The following RIPOR1 variants were observed in gnomAD, a reference collection of about 807,000 sequenced individuals.
RIPOR1 encodes RHO family interacting cell polarization regulator 1.
RIPOR1 carries 58 observed loss-of-function variants against 116.5 expected under a neutral mutation model. The ratio of observed to expected loss-of-function variants is 0.50; its 90% CI spans 0.40 to 0.62. The LOEUF (loss-of-function observed/expected upper bound fraction) is 0.62, where lower values mean the gene tolerates loss of function less well. RIPOR1 is among the 20% of genes least tolerant of loss of function. The pLI is 0.00. For missense variants in RIPOR1, 1,372 were observed against 1,586.2 expected, an observed-to-expected ratio of 0.86 and a Z score of 2.29; for synonymous variants, 605 against 650.0, an observed-to-expected ratio of 0.93 and a Z score of 1.05.
chr16:67,542,660 C>A lies in RIPOR1; in HGVS notation c.1874C>A (p.Thr625Asn). Residue 625 changes from threonine (T) to asparagine (N), a missense_variant, in exon 13 of 22, where the codon ACC becomes AAC. Transcript: ENST00000042381. This position sits in a 1 kb window ranked among gnomAD's most constrained non-coding sequence, Gnocchi z 4.6. ...PTHTSTSPTH[T>N]PTSPTHKTSM... The stretch of plus-strand genomic sequence containing the variant: ...CATACTTCCACAAGCCCCACCCATA[C>A]CCCCACAAGTCCCACCCACAAAACC... 7 of 1,613,252 alleles carry A rather than the reference C, an allele frequency of 4.3e-6. No individual in the cohort carries two copies. Among genetic ancestry groups the A allele is most frequent in the Non-Finnish European group, 5.9e-6 (7 of 1,179,668 alleles).
Position 67,543,155 on chromosome 16 carries a change from TGGA to T in RIPOR1, c.2375_2377del (p.Glu792del). 6.5e-7 allele frequency: 1 copy of T among 1,534,584 alleles called. No individual in the cohort carries two copies. The highest frequency in any genetic ancestry group is 1.4e-5 in the African/African-American group (1 of 72,442). On this transcript the variant is annotated inframe_deletion, in exon 13 of 22. Transcript: ENST00000042381. The surrounding 1 kb of genome is among the most constrained non-coding windows in gnomAD (Gnocchi z 4.7). Reference sequence around the variant, plus strand: ...GCCGGAGGGTCTGGGGACAGGAGCCTGGAGGAGGCACTGGGGGCCCTAATGGCT... The same window carrying T: ...GCCGGAGGGTCTGGGGACAGGAGCCTGGAGGCACTGGGGGCCCTAATGGCT...
At chr16:67,538,303 G>A in intron 1 of RIPOR1, 121 bp from the exon 2 acceptor site, 1 of 1,364,294 alleles carries the variant, frequency 7.3e-7, no homozygotes, top group Non-Finnish European at 9.8e-7. Flanking sequence ...GACCCGGCCG[G>A]AGCCCGCTGG....
At position 67,541,393 on chromosome 16, in the gene RIPOR1, G is replaced by T; in HGVS notation, c.802-37G>T. The stretch of plus-strand genomic sequence containing the variant: ...GATTTCCCATGATCTCATAGCCCCT[G>T]CACCCTTGTGACCCTACCATGCACT... On this transcript the variant is annotated intron_variant, in intron 10 of 21. Transcript: ENST00000042381. This position sits in a 1 kb window ranked among gnomAD's most constrained non-coding sequence, Gnocchi z 4.6. The T allele has an allele frequency of 6.3e-7, 1 of 1,598,412 alleles. No homozygotes were observed. Among genetic ancestry groups the T allele is most frequent in the Non-Finnish European group, 8.5e-7 (1 of 1,170,724 alleles).
intron 1 of RIPOR1, among the ~76,000 whole-genome samples, chr16:67,534,835 C>CTTTTTT (rs553858194): frequency 6.2e-4 from 49 of 79,000 alleles, no homozygotes; most frequent in South Asian, 9.2e-4. Context: ...TTCTTTTTTT[C>CTTTTTT]TTTTTTTTTT....
intron 1 of RIPOR1, among the ~76,000 whole-genome samples, chr16:67,532,648 G>A (rs781610135): frequency 6.6e-6 from 1 of 152,054 alleles, no homozygotes; most frequent in Non-Finnish European, 1.5e-5. Context: ...TTTACAGATG[G>A]GTGTCTGAAG....
rs900000693 is a variant in RIPOR1, at chr16:67,531,330, T to C, written c.-24+2416T>C. Among the ~76,000 whole-genome samples the C allele has an allele frequency of 8.7e-5, 13 of 149,308 alleles. No individual in the cohort carries two copies. The highest frequency in any genetic ancestry group is 1.8e-4 in the Non-Finnish European group (12 of 67,136). ...CCAGCTTCCCCCACTGTTCCCCCCCTTCATCTCCCAGGTGCTACAGGACCC... is the reference window on the plus strand; with the variant it reads ...CCAGCTTCCCCCACTGTTCCCCCCCCTCATCTCCCAGGTGCTACAGGACCC... On this transcript the variant is annotated intron_variant, in intron 1 of 21. Coordinates refer to ENST00000042381, the MANE Select transcript of RIPOR1 (RefSeq NM_024519.4). This position sits in a 1 kb window ranked among gnomAD's most constrained non-coding sequence, Gnocchi z 4.2.
chr16:67,544,691 C>T lies in RIPOR1; in HGVS notation c.2734-4C>T. 9.3e-6 allele frequency: 15 copies of T among 1,612,832 alleles called. No individual in the cohort carries two copies. The highest frequency in any genetic ancestry group is 1.3e-5 in the Non-Finnish European group (15 of 1,180,006). ...TGAGCTACTTGGCCACCCATGTTCTCCAGAAACTGGGCACATTTGGGCCCC... is the reference window on the plus strand; with the variant it reads ...TGAGCTACTTGGCCACCCATGTTCTTCAGAAACTGGGCACATTTGGGCCCC... On this transcript the variant is annotated splice_region_variant and splice_polypyrimidine_tract_variant and intron_variant, in intron 15 of 21. Transcript: ENST00000042381. This position sits in a 1 kb window ranked among gnomAD's most constrained non-coding sequence, Gnocchi z 5.1.
rs2050956898 is a variant in RIPOR1 at position 67,540,763 on chromosome 16, C to T, written c.801+59C>T. Reference sequence around the variant, plus strand: ...GGCCCTGTGAACCCCTTGTGACCCCCATTACCCTGAGTCCCTTACTCCTGT... The same window carrying T: ...GGCCCTGTGAACCCCTTGTGACCCCTATTACCCTGAGTCCCTTACTCCTGT... On this transcript the variant is annotated intron_variant, in intron 10 of 21. Coordinates refer to ENST00000042381, the MANE Select transcript of RIPOR1 (RefSeq NM_024519.4). The surrounding 1 kb of genome is among the most constrained non-coding windows in gnomAD (Gnocchi z 4.7). 7 of 1,508,794 alleles carry T rather than the reference C, an allele frequency of 4.6e-6. No individual in the cohort carries two copies. The South Asian group carries it at 9.2e-5, about 20-fold the overall frequency. 93.5% of individuals were successfully genotyped at this position (1,508,794 alleles called of 1,614,324 possible).
chr16:67,544,336 A>G lies in RIPOR1; in HGVS notation c.2638A>G (p.Ile880Val). ...CCCGGAGGCTGGGGCTGAGGACAGCATAGACTCACCCAGTGCCCGCCCCCT... is the reference window on the plus strand; with the variant it reads ...CCCGGAGGCTGGGGCTGAGGACAGCGTAGACTCACCCAGTGCCCGCCCCCT... ...SSPEAGAEDS[I>V]DSPSARPLST... Residue 880 changes from isoleucine (I) to valine (V), a missense_variant, in exon 15 of 22, where the codon ATA (isoleucine) becomes GTA (valine). By Grantham distance (29) the Ile-to-Val change is conservative. Around this residue, in one of 3 missense-constraint regions of RIPOR1, gnomAD observed 1,005 missense variants for 1,144.7 expected, o/e 0.88. Coordinates refer to ENST00000042381, the MANE Select transcript of RIPOR1 (RefSeq NM_024519.4). The surrounding 1 kb of genome is among the most constrained non-coding windows in gnomAD (Gnocchi z 5.1). 1 of 1,613,216 alleles carries G rather than the reference A, an allele frequency of 6.2e-7. No homozygotes were observed. Among genetic ancestry groups the G allele is most frequent in the Non-Finnish European group, 8.5e-7 (1 of 1,179,690 alleles).
In RIPOR1 at chr16:67,542,052, C is replaced by G; in HGVS notation, c.1266C>G (p.Pro422=). 2.5e-6 allele frequency: 4 copies of G among 1,605,458 alleles called. No homozygotes were observed. Among genetic ancestry groups the G allele is most frequent in the Non-Finnish European group, 3.4e-6 (4 of 1,173,600 alleles). ...TTGCCTTCCGCAGGCCTGAGACCCC[C>G]AGCTCTGGGCCCTTGGATGAGGAGG... ...IQVAFRRPET[P]SSGPLDEEGA... is the part of the protein sequence containing the mutation. The change falls in exon 13 of 22, where the codon CCC becomes CCG. Residue 422 remains proline, a synonymous_variant. Transcript: ENST00000042381. This position sits in a 1 kb window ranked among gnomAD's most constrained non-coding sequence, Gnocchi z 4.6.
At chr16:67,525,281 C>T (rs1043318368), upstream of RIPOR1, among the ~76,000 whole-genome samples, 4 of 152,218 alleles carry the variant, frequency 2.6e-5, no homozygotes, top group Non-Finnish European at 5.9e-5. Context: ...TTGGACATAC[C>T]TGTTCTCTTT....
At position 67,540,847 on chromosome 16, in the gene RIPOR1, T is replaced by C. The variant is rs2050959886; in HGVS notation, c.801+143T>C. 1.1e-6 allele frequency: 1 copy of C among 934,872 alleles called. No homozygotes were observed. The highest frequency in any genetic ancestry group is 1.7e-5 in the African/African-American group (1 of 60,396). 57.9% of individuals were successfully genotyped at this position (934,872 alleles called of 1,614,324 possible). A position where few individuals can be genotyped will look rare whatever the true frequency, so the allele number is the denominator to read the frequency against. Reference sequence around the variant, plus strand: ...ATGATTCCATGACCTTCATGATCTCTGTGGCCCTGAGAGGAACAATCTTTG... The same window carrying C: ...ATGATTCCATGACCTTCATGATCTCCGTGGCCCTGAGAGGAACAATCTTTG... On this transcript the variant is annotated intron_variant, in intron 10 of 21. Transcript: ENST00000042381. This position sits in a 1 kb window ranked among gnomAD's most constrained non-coding sequence, Gnocchi z 4.7.
intron 20 of RIPOR1, 41 bp from the exon 21 acceptor site, chr16:67,546,100 C>G (rs2051158621): frequency 7.1e-7 from 1 of 1,407,246 alleles, no homozygotes; most frequent in Admixed American, 1.8e-5. Flanking sequence ...ACCCTCCCAT[C>G]TGCTCCCCTG....
chr16:67,524,636 C>G (rs2050525454), upstream of RIPOR1, among the ~76,000 whole-genome samples: 1 of 152,166 alleles, frequency 6.6e-6, no homozygotes, highest in African/African-American at 2.4e-5. Context: ...CTCCCCACCT[C>G]ATTAAAAAAC....
At chr16:67,528,337 G>C (rs8061280), upstream of RIPOR1, 5,922 of 152,362 alleles carry the variant, frequency 0.039, 383 homozygotes, top group African/African-American at 0.13. Context: ...GTGGCAGAAA[G>C]GGCGGCCTGC....
At chr16:67,526,176 A>C (rs1161946754), upstream of RIPOR1, among the ~76,000 whole-genome samples, 2 of 152,178 alleles carry the variant, frequency 1.3e-5, no homozygotes, top group Non-Finnish European at 2.9e-5. Context: ...CTCAGAGGAC[A>C]CAGGTTCCCT....
chr16:67,519,467 C>A (rs1049209634), intron 1 of RIPOR1, among the ~76,000 whole-genome samples: 2 of 152,032 alleles, frequency 1.3e-5, no homozygotes. Context: ...CAGAGGTCAT[C>A]CAGCTGCTGC....
Position 67,530,160 on chromosome 16 carries a change from T to G in RIPOR1, c.-24+1246T>G, listed in dbSNP as rs1597618549. On this transcript the variant is annotated intron_variant, in intron 1 of 21. Transcript: ENST00000042381. This position sits in a 1 kb window ranked among gnomAD's most constrained non-coding sequence, Gnocchi z 4.5. ...TCAGGACTCTGGGCTGGGTCCCGCT[T>G]GAGAGAAGCGGGCGGGGAGGGCGCG... 1 of 407,042 alleles carries G rather than the reference T, an allele frequency of 2.5e-6. No individual in the cohort carries two copies. Among genetic ancestry groups the G allele is most frequent in the Admixed American group, 4.2e-5 (1 of 23,974 alleles). 25.2% of individuals were successfully genotyped at this position (407,042 alleles called of 1,614,324 possible).
chr16:67,523,450 C>T (rs2050511471), intron 1 of RIPOR1, among the ~76,000 whole-genome samples: 1 of 137,494 alleles, frequency 7.3e-6, no homozygotes, highest in African/African-American at 2.8e-5. Flanking sequence ...CGCTTGAACC[C>T]GGGAGGCAGA....
Sources: gnomAD v4.1 joint callset for allele counts (sites outside exome capture counted in the v4.1 genomes callset) on GRCh38, gnomAD v4.1.1 for gene constraint, gnomAD v4.1.1 regional missense constraint, Gnocchi (gnomAD v3.1) non-coding constraint, MANE v1.5 for transcripts, NCBI Gene and HGNC (gene_info 2026-07-23, HGNC 2026-07-21) for gene names.